The following GRM7 variants were observed in gnomAD, a reference collection of about 807,000 sequenced individuals.
GRM7 encodes glutamate metabotropic receptor 7.
Under a neutral mutation model 84.5 loss-of-function variants are expected in GRM7, and 35 were observed. That is an observed-to-expected ratio of 0.41 (90% CI 0.32 to 0.55). The LOEUF is 0.55. Among genes scored for constraint, GRM7 ranks in the 20% least tolerant of loss-of-function variants. GRM7 has a pLI of 0.19. For synonymous variants in GRM7, 487 were observed against 455.1 expected, an observed-to-expected ratio of 1.07 and a Z score of -0.89; for missense variants, 1,003 against 1,194.6, an observed-to-expected ratio of 0.84 and a Z score of 2.36.
At chr3:7,272,026 G>A (rs1284915997) in intron 2 of GRM7, among the ~76,000 whole-genome samples, 1 of 151,982 alleles carries the variant, frequency 6.6e-6, no homozygotes, top group Admixed American at 6.5e-5. Context: ...GCTTCAAATC[G>A]TACACATATT....
chr3:7,301,387 C>G (rs1421285133), intron 3 of GRM7, among the ~76,000 whole-genome samples: 1 of 152,126 alleles, frequency 6.6e-6, no homozygotes, highest in African/African-American at 2.4e-5. Flanking sequence ...TGTTCCAGTA[C>G]TTTAAAAAAT....
chr3:7,197,110 A>G (rs964879916), intron 2 of GRM7, among the ~76,000 whole-genome samples: 21 of 152,294 alleles, frequency 1.4e-4, no homozygotes, highest in East Asian at 1.2e-3. Context: ...ATTAGGAAGT[A>G]GGACAAGATG....
intron 5 of GRM7, among the ~76,000 whole-genome samples, chr3:7,415,712 T>A (rs1030681353): frequency 6.6e-6 from 1 of 152,206 alleles, no homozygotes; most frequent in Non-Finnish European, 1.5e-5. Context: ...TTCATTCATT[T>A]ATTCACTCAC....
At chr3:7,686,465 A>G in intron 9 of GRM7, 1 of 1,078,008 alleles carries the variant, frequency 9.3e-7, no homozygotes, top group Admixed American at 1.7e-5. Flanking sequence ...AAACAATCTA[A>G]TTCTTATTTA....
intron 2 of GRM7, among the ~76,000 whole-genome samples, chr3:7,169,233 C>A (rs1473682441): frequency 6.6e-6 from 1 of 152,018 alleles, no homozygotes; most frequent in Non-Finnish European, 1.5e-5. Flanking sequence ...AAGATGGAAA[C>A]AAAAGAATAT....
chr3:7,708,654 G>A (rs1284956556), intron 9 of GRM7, among the ~76,000 whole-genome samples: 2 of 152,084 alleles, frequency 1.3e-5, no homozygotes, highest in African/African-American at 2.4e-5. Context: ...TTTCCAGGAA[G>A]AGGGACAGAA....
intron 2 of GRM7, among the ~76,000 whole-genome samples, chr3:7,284,435 A>T (rs1699360476): frequency 6.6e-6 from 1 of 152,156 alleles, no homozygotes; most frequent in Non-Finnish European, 1.5e-5. Flanking sequence ...GAAATATGTC[A>T]TCTGCTATGA....
intron 9 of GRM7, among the ~76,000 whole-genome samples, chr3:7,709,087 T>G (rs1425526239): frequency 6.8e-6 from 1 of 147,634 alleles, no homozygotes; most frequent in East Asian, 2.0e-4. Context: ...TGAAAAAATC[T>G]CAACTTTTTT....
chr3:7,128,663 C>A (rs927224984), intron 1 of GRM7, among the ~76,000 whole-genome samples: 1 of 104,948 alleles, frequency 9.5e-6, no homozygotes, highest in Non-Finnish European at 2.2e-5. Context: ...CCCACCACCA[C>A]GCCCAGCTAA....
chr3:7,496,018 A>T (rs1425860847), intron 7 of GRM7, among the ~76,000 whole-genome samples: 1 of 152,326 alleles, frequency 6.6e-6, no homozygotes. Flanking sequence ...TTTTTCCTCT[A>T]TCAAGTGATG....
intron 7 of GRM7, among the ~76,000 whole-genome samples, chr3:7,479,930 A>C (rs1281438904): frequency 6.6e-6 from 1 of 152,216 alleles, no homozygotes; most frequent in Non-Finnish European, 1.5e-5. Context: ...TTACCTTGCT[A>C]CTGTGGCAAC....
intron 1 of GRM7, among the ~76,000 whole-genome samples, chr3:7,083,837 C>T (rs1264096751): frequency 6.6e-6 from 1 of 152,084 alleles, no homozygotes; most frequent in East Asian, 1.9e-4. Context: ...GTCACTTGAG[C>T]ATGCTGAGGT....
At chr3:7,502,551 T>A (rs1219129346) in intron 7 of GRM7, among the ~76,000 whole-genome samples, 1 of 152,054 alleles carries the variant, frequency 6.6e-6, no homozygotes, top group Middle Eastern at 3.2e-3. Context: ...AGATGAAAAA[T>A]CTGGGCAAAT....
intron 5 of GRM7, among the ~76,000 whole-genome samples, chr3:7,423,778 G>A (rs1696493842): frequency 6.6e-6 from 1 of 152,012 alleles, no homozygotes; most frequent in Admixed American, 6.6e-5. Context: ...TATATCTCCA[G>A]ATAAAAACTT....
Position 7,192,927 on chromosome 3 carries a change from C to T in GRM7, c.736+46259C>T, listed in dbSNP as rs186747193. Among the ~76,000 whole-genome samples, 16 of 152,236 alleles carry T rather than the reference C, an allele frequency of 1.1e-4. No individual in the cohort carries two copies. In the East Asian group the frequency reaches 1.9e-3, roughly 18 times the overall value. On this transcript the variant is annotated intron_variant, in intron 2 of 9. Coordinates refer to ENST00000357716, the MANE Select transcript of GRM7 (RefSeq NM_000844.4). ...TGGGTACTAATCCCCTGGATCTATC[C>T]GAATTTTCTGATCATTTCTTCTAAA...
intron 5 of GRM7, among the ~76,000 whole-genome samples, chr3:7,417,701 T>A (rs753336772): frequency 3.9e-5 from 6 of 152,128 alleles, no homozygotes; most frequent in Non-Finnish European, 8.8e-5. Context: ...TTGGCTCTGC[T>A]AAAGAAAAAG....
intron 2 of GRM7, among the ~76,000 whole-genome samples, chr3:7,258,408 C>T (rs73809041): frequency 0.032 from 4,895 of 152,042 alleles, 264 homozygotes; most frequent in African/African-American, 0.11. Flanking sequence ...AAAGAGGTAA[C>T]ATTACTGAAG....
chr3:7,681,552 C>G (rs1487932696), intron 9 of GRM7: 1 of 152,144 alleles, frequency 6.6e-6, no homozygotes, highest in Non-Finnish European at 1.5e-5. Flanking sequence ...ATTGTGGGCT[C>G]CAGTTTGACT....
intron 7 of GRM7, among the ~76,000 whole-genome samples, chr3:7,518,038 T>A (rs541665579): frequency 5.9e-5 from 9 of 152,324 alleles, no homozygotes; most frequent in African/African-American, 2.2e-4. Context: ...TCAGCTGAGA[T>A]TCCACTCCTG....
Sources: gnomAD v4.1 joint callset for allele counts (sites outside exome capture counted in the v4.1 genomes callset) on GRCh38, gnomAD v4.1.1 for gene constraint, MANE v1.5 for transcripts, NCBI Gene and HGNC (gene_info 2026-07-23, HGNC 2026-07-21) for gene names.